Variants in CDON observed in about 807,000 individuals in gnomAD.
CDON encodes the protein cell adhesion molecule-related/down-regulated by oncogenes.
In CDON, 73 loss-of-function variants were observed where a neutral mutation model predicts 120.9. The ratio of observed to expected loss-of-function variants is 0.60; its 90% CI spans 0.50 to 0.73. The LOEUF (loss-of-function observed/expected upper bound fraction) is 0.73. CDON is among the 30% of genes least tolerant of loss of function. CDON has a pLI of 0.00. For missense variants in CDON, 1,470 were observed against 1,587.3 expected (o/e 0.93, Z 1.26); for synonymous variants, 566 against 573.5 (o/e 0.99, Z 0.19).
At chr11:126,039,436 A>C (rs567714232) in intron 1 of CDON, among the ~76,000 whole-genome samples, 1 of 152,364 alleles carries the variant, frequency 6.6e-6, no homozygotes, top group South Asian at 2.1e-4. Context: ...AGTAAGCAAG[A>C]AGTAATTTCA....
At chr11:125,994,513 C>A in intron 13 of CDON, 124 bp from the exon 14 acceptor site, 1 of 688,274 alleles carries the variant, frequency 1.5e-6, no homozygotes, top group Non-Finnish European at 2.6e-6. Flanking sequence ...CTAATAATGG[C>A]CATTTTTAAT....
intron 7 of CDON, among the ~76,000 whole-genome samples, chr11:126,011,829 T>C (rs2134637527): frequency 6.6e-6 from 1 of 152,358 alleles, no homozygotes. Flanking sequence ...CATCTCGTCT[T>C]TCATATTTAG....
Position 125,974,407 on chromosome 11 carries a change from AGGGAGG to A in CDON, c.3356+3891_3356+3896del, listed in dbSNP as rs1946097559. On this transcript the variant is annotated intron_variant, in intron 18 of 19. Coordinates refer to ENST00000531738, the MANE Select transcript of CDON (RefSeq NM_001378964.1). ...AAGGAAGGAAGGGAGGGAGGGAGGG[AGGGAGG>A]GAGGGAGGGAGGGAGGGAATTCTTT... 9.5e-4 allele frequency among the ~76,000 whole-genome samples: 5 copies of A among 5,288 alleles called. No individual in the cohort carries two copies. In the Admixed American group the frequency reaches 0.012, roughly 13 times the overall value. 3.5% of individuals were successfully genotyped at this position (5,288 alleles called of 152,430 possible).
chr11:126,043,813 G>A (rs1948330445), intron 1 of CDON, among the ~76,000 whole-genome samples: 1 of 152,166 alleles, frequency 6.6e-6, no homozygotes. Flanking sequence ...AAACTTACCA[G>A]GTTTTAGTTC....
chr11:125,994,288 T>C lies in CDON; in HGVS notation c.2646A>G (p.Val882=), dbSNP rs190737766. The C allele has an allele frequency of 6.4e-7, 1 of 1,569,968 alleles. No individual in the cohort carries two copies. The highest frequency in any genetic ancestry group is 2.2e-5 in the East Asian group (1 of 44,662). Residue 882 remains valine (V), a synonymous_variant, in exon 14 of 20, where the codon GTA becomes GTG. Coordinates refer to ENST00000531738, the MANE Select transcript of CDON (RefSeq NM_001378964.1). ...DNDSDYKRDV[V]EGSKQWHMIG... is the part of the protein sequence containing the mutation. ...CCAGTGTGCCAGGGGACTTACCTTC[T>C]ACAACATCCCTCTTGTAATCACTGT...
rs1297855418 is a variant in CDON at position 125,970,376 on chromosome 11, T to C, written c.3356+7928A>G. ...TTTTAGTAGAGATGGGGTTTCACCA[T>C]GTTGGTCAGGCTGGTCTCGAACTTC... On this transcript the variant is annotated intron_variant, in intron 18 of 19. Coordinates refer to ENST00000531738, the MANE Select transcript of CDON (RefSeq NM_001378964.1). Among the ~76,000 whole-genome samples the C allele has an allele frequency of 2.6e-5, 4 of 151,972 alleles. No individual in the cohort carries two copies. The East Asian group carries it at 7.7e-4, about 29-fold the overall frequency.
chr11:125,962,719 T>C (rs1945679200), intron 18 of CDON, among the ~76,000 whole-genome samples: 1 of 152,222 alleles, frequency 6.6e-6, no homozygotes, highest in African/African-American at 2.4e-5. Flanking sequence ...ACTTGTGGTC[T>C]CCAACAGCTG....
chr11:125,974,837 A>G (rs774291532), intron 18 of CDON, among the ~76,000 whole-genome samples: 1 of 152,058 alleles, frequency 6.6e-6, no homozygotes, highest in Non-Finnish European at 1.5e-5. Flanking sequence ...TCATTTTATT[A>G]AGTTTCTTAT....
intron 17 of CDON, among the ~76,000 whole-genome samples, chr11:125,980,266 A>C (rs1946260240): frequency 6.6e-6 from 1 of 152,232 alleles, no homozygotes; most frequent in Non-Finnish European, 1.5e-5. Context: ...ATTAAACGCT[A>C]TCAACTAGTT....
chr11:125,960,950 C>A lies in CDON; in HGVS notation c.3787G>T (p.Glu1263Ter). 1 of 1,614,062 alleles carries A rather than the reference C, an allele frequency of 6.2e-7. No individual in the cohort carries two copies. The highest frequency in any genetic ancestry group is 8.5e-7 in the Non-Finnish European group (1 of 1,180,020). Residue 1263 changes from glutamate (E) to a stop codon, truncating the protein, a stop_gained, in exon 20 of 20, where the codon GAA becomes TAA. Transcript: ENST00000531738. LOFTEE classifies it high-confidence loss of function. ...SPTEVLQQPR[E>*]T ...TGGTTGTTTGCATGTCCTCAGGTTTCCCGGGGCTGCTGAAGGACCTCTGTC... is the reference window on the plus strand; with the variant it reads ...TGGTTGTTTGCATGTCCTCAGGTTTACCGGGGCTGCTGAAGGACCTCTGTC...
At chr11:126,000,465 C>T (rs1028366290) in intron 11 of CDON, among the ~76,000 whole-genome samples, 2 of 152,326 alleles carry the variant, frequency 1.3e-5, no homozygotes, top group African/African-American at 4.8e-5. Flanking sequence ...GTCTCAGCCT[C>T]CCAAAGCACT....
chr11:126,042,120 G>C (rs1248415210), intron 1 of CDON, among the ~76,000 whole-genome samples: 1 of 152,194 alleles, frequency 6.6e-6, no homozygotes, highest in African/African-American at 2.4e-5. Context: ...CCGACCTTAG[G>C]TGATCTGCCT....
chr11:125,983,625 T>G (rs1946376924), intron 16 of CDON, among the ~76,000 whole-genome samples: 1 of 152,180 alleles, frequency 6.6e-6, no homozygotes, highest in South Asian at 2.1e-4. Context: ...AAGTCAGCTA[T>G]TTACTTAGAG....
chr11:126,027,515 T>TACACAC lies in CDON; in HGVS notation c.-61-3979_-61-3978insGTGTGT, dbSNP rs1947824019. Among the ~76,000 whole-genome samples the TACACAC allele has an allele frequency of 3.9e-5, 6 of 152,226 alleles. No homozygotes were observed. In the South Asian group the frequency reaches 1.2e-3, roughly 31 times the overall value. On this transcript the variant is annotated intron_variant, in intron 1 of 19. Transcript: ENST00000531738. Reference sequence around the variant, plus strand: ...ATTTATTCATATGTGTGTGTATATATACATGCAAATGCATGTGTGTGTACT... The same window carrying TACACAC: ...ATTTATTCATATGTGTGTGTATATATACACACACATGCAAATGCATGTGTGTGTACT...
At position 126,001,854 on chromosome 11, in the gene CDON, G is replaced by A. The variant is rs749102927; in HGVS notation, c.2027-4C>T. 1.9e-6 allele frequency: 3 copies of A among 1,592,194 alleles called. No individual in the cohort carries two copies. The South Asian group carries it at 3.3e-5, about 18-fold the overall frequency. ...TTTTTTGATGACGCTGTTTTTTCTA[G>A]AAAGGTAAATAAACATATACAGTAA... On this transcript the variant is annotated splice_polypyrimidine_tract_variant and splice_region_variant and intron_variant, in intron 10 of 19. Coordinates refer to ENST00000531738, the MANE Select transcript of CDON (RefSeq NM_001378964.1).
At chr11:125,997,465 ATAGT>A in intron 11 of CDON, 55 bp from the exon 12 acceptor site, 1 of 1,302,490 alleles carries the variant, frequency 7.7e-7, no homozygotes, top group Non-Finnish European at 1.1e-6. Flanking sequence ...CAAGAATAAC[ATAGT>A]TAAATTAAAG....
At chr11:126,018,223 T>A (rs564818961) in intron 5 of CDON, 107 bp downstream of exon 5, 36 of 1,253,052 alleles carry the variant, frequency 2.9e-5, no homozygotes, top group Non-Finnish European at 3.6e-5. Context: ...TTGGTAAGAC[T>A]TTTTATGATA....
rs191776919 is a variant in CDON, at chr11:126,009,671, G to A, written c.1552+670C>T. On this transcript the variant is annotated intron_variant, in intron 8 of 19. Transcript: ENST00000531738. ...GCCTTTGATGTTGGGCCTCTCACAA[G>A]ACAAATAAGATGACAATCTACACCC... Among the ~76,000 whole-genome samples the A allele has an allele frequency of 2.5e-3, 379 of 151,552 alleles. 2 individuals carry two copies. Among genetic ancestry groups the A allele is most frequent in the African/African-American group, 8.8e-3 (361 of 41,250 alleles).
intron 14 of CDON, among the ~76,000 whole-genome samples, chr11:125,993,385 G>A (rs939422417): frequency 3.0e-5 from 2 of 67,274 alleles, no homozygotes; most frequent in African/African-American, 6.8e-5. Context: ...ACACACATGC[G>A]CGCGTGCGTG....
Sources: gnomAD v4.1 joint callset for allele counts (sites outside exome capture counted in the v4.1 genomes callset) on GRCh38, gnomAD v4.1.1 for gene constraint, MANE v1.5 for transcripts, NCBI Gene and HGNC (gene_info 2026-07-23, HGNC 2026-07-21) for gene names.